The following SLC12A4 variants were observed in gnomAD, a reference collection of about 807,000 sequenced individuals.
The protein encoded by SLC12A4 is solute carrier family 12 member 4.
A neutral mutation model predicts 119.2 loss-of-function variants in SLC12A4; 84 were observed. The observed-to-expected ratio is 0.70, with a 90% CI of 0.59 to 0.85. The LOEUF is 0.85. Ranked by LOEUF, SLC12A4 falls within the 40% of genes least tolerant of loss-of-function variation. SLC12A4 has a pLI of 0.00. For synonymous variants in SLC12A4, 599 were observed against 604.6 expected (o/e 0.99, Z 0.14); for missense variants, 1,298 against 1,476.3 (o/e 0.88, Z 1.98).
intron 1 of SLC12A4, among the ~76,000 whole-genome samples, chr16:67,965,668 A>G (rs1237645203): frequency 2.0e-5 from 3 of 152,210 alleles, no homozygotes; most frequent in Non-Finnish European, 4.4e-5. Context: ...CTATCCAGAA[A>G]ATATACAGCT....
chr16:67,962,542 T>G (rs1025307034), intron 2 of SLC12A4: 2 of 152,268 alleles, frequency 1.3e-5, no homozygotes, highest in African/African-American at 4.8e-5. Flanking sequence ...TGGGGGCATG[T>G]GGAGATTAAG....
chr16:67,955,802 C>T (rs1026419414), intron 5 of SLC12A4, among the ~76,000 whole-genome samples: 1 of 151,686 alleles, frequency 6.6e-6, no homozygotes, highest in African/African-American at 2.4e-5. Flanking sequence ...TCGTTTGAAC[C>T]TGGGAGGCAG....
At chr16:67,956,790 T>TAC (rs1262430603) in intron 5 of SLC12A4, among the ~76,000 whole-genome samples, 5 of 151,580 alleles carry the variant, frequency 3.3e-5, no homozygotes, top group Non-Finnish European at 5.9e-5. Flanking sequence ...TATGTATATA[T>TAC]ACACACATAT....
chr16:67,957,830 C>G lies in SLC12A4; in HGVS notation c.490-34G>C, dbSNP rs568323424. On this transcript the variant is annotated intron_variant, in intron 4 of 23. Coordinates refer to ENST00000316341, the MANE Select transcript of SLC12A4 (RefSeq NM_005072.5). The stretch of plus-strand genomic sequence containing the variant: ...AGGAGGGCCTGGGTGAGCGGCTCAG[C>G]TGGGTGGGCTCTGTGGGGGCAGCCG... The G allele has an allele frequency of 4.8e-5, 77 of 1,614,020 alleles. No homozygotes were observed. In the South Asian group the frequency reaches 7.9e-4, roughly 17 times the overall value.
chr16:67,954,558 G>T, intron 6 of SLC12A4, 85 bp downstream of exon 6: 1 of 1,533,290 alleles, frequency 6.5e-7, no homozygotes, highest in East Asian at 2.3e-5. Flanking sequence ...AGACATGTGG[G>T]GATGAACAGC....
intron 1 of SLC12A4, among the ~76,000 whole-genome samples, chr16:67,968,156 G>C (rs944610638): frequency 2.0e-5 from 3 of 152,116 alleles, no homozygotes; most frequent in African/African-American, 4.8e-5. Flanking sequence ...GGCCCGGCCG[G>C]CTGGCCTCCC....
chr16:67,968,318 T>C, intron 1 of SLC12A4, 121 bp downstream of exon 1: 1 of 875,038 alleles, frequency 1.1e-6, no homozygotes, highest in Non-Finnish European at 1.6e-6. Context: ...CCAAAAAAAG[T>C]TGAGTCCGCA....
chr16:67,949,854 G>A lies in SLC12A4; in HGVS notation c.1694C>T (p.Ala565Val). 6.2e-7 allele frequency: 1 copy of A among 1,610,116 alleles called. No individual in the cohort carries two copies. Among genetic ancestry groups the A allele is most frequent in the Non-Finnish European group, 8.5e-7 (1 of 1,178,342 alleles). ...TWALLLTALI[A>V]ELGILIASLD... ...GGAGGCGATGAGGATGCCCAGCTCG[G>A]CGATGAGTGCCGTCAGGAGGAGTGC... The change falls in exon 13 of 24, where the codon GCC (alanine) becomes GTC (valine). Residue 565 changes from alanine to valine, a missense_variant. Physicochemically the swap from Ala to Val is moderately conservative, Grantham distance 64. Transcript: ENST00000316341. This position sits in a 1 kb window ranked among gnomAD's most constrained non-coding sequence, Gnocchi z 4.6.
Position 67,951,420 on chromosome 16 carries a change from A to G in SLC12A4, c.1133-116T>C. On this transcript the variant is annotated intron_variant, in intron 8 of 23. Coordinates refer to ENST00000316341, the MANE Select transcript of SLC12A4 (RefSeq NM_005072.5). The surrounding 1 kb of genome is among the most constrained non-coding windows in gnomAD (Gnocchi z 5.2). The stretch of plus-strand genomic sequence containing the variant: ...CTTTGGGGACTCAGGGAACAGCTTC[A>G]GCCCAATGACTGCAGCGTCAGCCAC... 1 of 1,195,392 alleles carries G rather than the reference A, an allele frequency of 8.4e-7. No homozygotes were observed. The highest frequency in any genetic ancestry group is 2.4e-5 in the East Asian group (1 of 41,332). 74.0% of individuals were successfully genotyped at this position (1,195,392 alleles called of 1,614,324 possible).
rs955721132 is a variant in SLC12A4 at position 67,947,500 on chromosome 16, C to G, written c.1968-65G>C. 3.9e-6 allele frequency: 6 copies of G among 1,540,448 alleles called. 1 individual carries two copies. The South Asian group carries it at 7.0e-5, about 18-fold the overall frequency. Reference sequence around the variant, plus strand: ...CCAGGGGGTTCTGTCTATGTGGATGCGAGGTGGAGGGGTTCTGCCCCTCAA... The same window carrying G: ...CCAGGGGGTTCTGTCTATGTGGATGGGAGGTGGAGGGGTTCTGCCCCTCAA... On this transcript the variant is annotated intron_variant, in intron 15 of 23. Coordinates refer to ENST00000316341, the MANE Select transcript of SLC12A4 (RefSeq NM_005072.5).
chr16:67,956,085 G>A (rs1468518594), intron 5 of SLC12A4, among the ~76,000 whole-genome samples: 3 of 152,162 alleles, frequency 2.0e-5, no homozygotes, highest in Admixed American at 6.5e-5. Context: ...GCTGAGGCAG[G>A]AGAATCGCTT....
intron 6 of SLC12A4, 144 bp downstream of exon 6, chr16:67,954,499 C>CT: frequency 9.9e-7 from 1 of 1,009,618 alleles, no homozygotes; most frequent in Non-Finnish European, 1.4e-6. Flanking sequence ...GAGTAAAGGT[C>CT]TTTGTCTCTC....
At position 67,950,270 on chromosome 16, in the gene SLC12A4, GCGAGGGC is replaced by G; in HGVS notation, c.1629+42_1629+48del. The G allele has an allele frequency of 6.3e-7, 1 of 1,584,956 alleles. No individual in the cohort carries two copies. Among genetic ancestry groups the G allele is most frequent in the African/African-American group, 1.3e-5 (1 of 74,228 alleles). On this transcript the variant is annotated intron_variant, in intron 12 of 23. Transcript: ENST00000316341. The surrounding 1 kb of genome is among the most constrained non-coding windows in gnomAD (Gnocchi z 4.3). ...GTTCCCTATCTCTCTCCCCAGCCGG[GCGAGGGC>G]CTGGGAGCAGCCAGGCCATGGGGGA...
Position 67,944,888 on chromosome 16 carries a change from C to T in SLC12A4, c.3210G>A (p.Val1070=), listed in dbSNP as rs1370464080. ...CACGGCCACCACCGCGCACCAACAGCACCCGCTCAAGGCCCTCGGTCAGCA... is the reference window on the plus strand; with the variant it reads ...CACGGCCACCACCGCGCACCAACAGTACCCGCTCAAGGCCCTCGGTCAGCA... The part of the protein sequence containing the change: ...LEVLTEGLER[V]LLVRGGGREV... The change falls in exon 24 of 24, where the codon GTG becomes GTA. Residue 1070 remains valine (V), a synonymous_variant. Transcript: ENST00000316341. This position sits in a 1 kb window ranked among gnomAD's most constrained non-coding sequence, Gnocchi z 6.6. 4.3e-6 allele frequency: 7 copies of T among 1,613,498 alleles called. No homozygotes were observed. The highest frequency in any genetic ancestry group is 2.2e-5 in the East Asian group (1 of 44,880).
In SLC12A4 at chr16:67,968,611, G is replaced by A. The variant is rs1293669871; in HGVS notation, c.-58C>T. On this transcript the variant is annotated 5_prime_UTR_variant, in exon 1 of 24. Transcript: ENST00000316341. ...CCAGCCGCCCGCCGCTGTCCCCGCCGCTGTCCCCGCCGCCCCGGGCCGACA... is the reference window on the plus strand; with the variant it reads ...CCAGCCGCCCGCCGCTGTCCCCGCCACTGTCCCCGCCGCCCCGGGCCGACA... 2.6e-5 allele frequency: 36 copies of A among 1,388,768 alleles called. No individual in the cohort carries two copies. The highest frequency in any genetic ancestry group is 3.3e-5 in the Non-Finnish European group (35 of 1,074,810). 86.0% of individuals were successfully genotyped at this position (1,388,768 alleles called of 1,614,324 possible).
Position 67,945,945 on chromosome 16 carries a change from G to T in SLC12A4, c.2739+6C>A. 1 of 1,613,232 alleles carries T rather than the reference G, an allele frequency of 6.2e-7. No individual in the cohort carries two copies. Among genetic ancestry groups the T allele is most frequent in the Non-Finnish European group, 8.5e-7 (1 of 1,179,346 alleles). On this transcript the variant is annotated splice_donor_region_variant and intron_variant, in intron 20 of 23. Transcript: ENST00000316341. ...CCACGGGGCCAGGGCAGGGCAGAGG[G>T]CTCACCATCTCCACCACCTCCACCT...
Position 67,968,559 on chromosome 16 carries a change from G to A in SLC12A4, c.-6C>T. Reference sequence around the variant, plus strand: ...ACCACGGTGAAGTGAGGCATCGTGCGGGCTCGGCCCCGCCGCACCCGCCGT... The same window carrying A: ...ACCACGGTGAAGTGAGGCATCGTGCAGGCTCGGCCCCGCCGCACCCGCCGT... On this transcript the variant is annotated 5_prime_UTR_variant, in exon 1 of 24. Transcript: ENST00000316341. 1.3e-6 allele frequency: 2 copies of A among 1,525,670 alleles called. No homozygotes were observed. Among genetic ancestry groups the A allele is most frequent in the Non-Finnish European group, 1.8e-6 (2 of 1,142,420 alleles). The allele number at this position is 1,525,670 out of a possible 1,614,324, so 94.5% of individuals were successfully genotyped here. A position where few individuals can be genotyped will look rare whatever the true frequency, so the allele number is the denominator to read the frequency against.
At chr16:67,948,844 G>T (rs1008247033) in intron 13 of SLC12A4, among the ~76,000 whole-genome samples, 3 of 151,814 alleles carry the variant, frequency 2.0e-5, no homozygotes, top group African/African-American at 4.9e-5. Context: ...GAAGGGGTGT[G>T]GGGGGGTGGA....
chr16:67,946,719 ACT>A (rs1598210332), intron 17 of SLC12A4, 86 bp from the exon 18 acceptor site: 35 of 1,470,608 alleles, frequency 2.4e-5, no homozygotes, highest in Non-Finnish European at 3.0e-5. Context: ...GAACAAAACG[ACT>A]TTTGGGTGGA....
Sources: gnomAD v4.1 joint callset for allele counts (sites outside exome capture counted in the v4.1 genomes callset) on GRCh38, gnomAD v4.1.1 for gene constraint, Gnocchi (gnomAD v3.1) non-coding constraint, MANE v1.5 for transcripts, NCBI Gene and HGNC (gene_info 2026-07-23, HGNC 2026-07-21) for gene names.